MTUS2: variants seen among roughly 807,000 people sequenced by gnomAD.
MTUS2 encodes the protein microtubule associated scaffold protein 2.
A neutral mutation model predicts 114.1 loss-of-function variants in MTUS2; 40 were observed. That is an observed-to-expected ratio of 0.35 (90% CI 0.27 to 0.46). The LOEUF (loss-of-function observed/expected upper bound fraction) is 0.46. Among genes scored for constraint, MTUS2 ranks in the 20% least tolerant of loss-of-function variants. The pLI is 1.00. For missense variants in MTUS2, 1,679 were observed against 1,705.4 expected (o/e 0.98, Z 0.27); for synonymous variants, 688 against 672.0 (o/e 1.02, Z -0.37).
chr13:28,949,831 A>G (rs1269601263), intron 2 of MTUS2, among the ~76,000 whole-genome samples: 1 of 152,180 alleles, frequency 6.6e-6, no homozygotes, highest in Non-Finnish European at 1.5e-5. Context: ...GTAAAGATAT[A>G]CCACATTTTG....
chr13:29,104,456 G>A (rs1025177573), intron 5 of MTUS2, among the ~76,000 whole-genome samples: 1 of 152,142 alleles, frequency 6.6e-6, no homozygotes, highest in African/African-American at 2.4e-5. Context: ...GACTTGAGAG[G>A]CCCCTCAGGC....
chr13:29,114,616 AG>A, intron 5 of MTUS2, among the ~76,000 whole-genome samples: 1 of 152,322 alleles, frequency 6.6e-6, no homozygotes, highest in South Asian at 2.1e-4. Context: ...AAGGGAAGTG[AG>A]GGGCTTGAGG....
At chr13:28,900,225 A>T (rs1272881777) in intron 2 of MTUS2, among the ~76,000 whole-genome samples, 1 of 152,214 alleles carries the variant, frequency 6.6e-6, no homozygotes, top group South Asian at 2.1e-4. Flanking sequence ...TTCTTTTAAC[A>T]ACGATTACAA....
intron 8 of MTUS2, among the ~76,000 whole-genome samples, chr13:29,392,684 G>A (rs1873603093): frequency 6.6e-6 from 1 of 152,190 alleles, no homozygotes; most frequent in African/African-American, 2.4e-5. Context: ...ACATAGGGAG[G>A]TCCCTAGAGT....
At chr13:28,871,774 T>A (rs1378220201) in intron 2 of MTUS2, among the ~76,000 whole-genome samples, 1 of 152,132 alleles carries the variant, frequency 6.6e-6, no homozygotes, top group African/African-American at 2.4e-5. Flanking sequence ...TTAGAGTGGT[T>A]AAGGAAAGCC....
At chr13:28,981,376 G>A (rs1018172401) in intron 2 of MTUS2, among the ~76,000 whole-genome samples, 4 of 152,174 alleles carry the variant, frequency 2.6e-5, no homozygotes, top group African/African-American at 9.7e-5. Flanking sequence ...CAGCAAACGT[G>A]TAGGTAGTTT....
chr13:28,871,358 G>A (rs1342959713), intron 2 of MTUS2, among the ~76,000 whole-genome samples: 1 of 152,106 alleles, frequency 6.6e-6, no homozygotes. Flanking sequence ...AGCTTTTCAT[G>A]TCAGGTGTGG....
At chr13:29,390,419 C>T (rs1399925005) in intron 8 of MTUS2, among the ~76,000 whole-genome samples, 4 of 151,608 alleles carry the variant, frequency 2.6e-5, no homozygotes, top group African/African-American at 7.3e-5. Flanking sequence ...TTTGGGAGGC[C>T]GAGGCAGGTG....
chr13:28,828,009 G>A (rs913449042), intron 1 of MTUS2, among the ~76,000 whole-genome samples: 1 of 152,168 alleles, frequency 6.6e-6, no homozygotes, highest in African/African-American at 2.4e-5. Flanking sequence ...TTTATTAGGC[G>A]GGAATTTCCT....
intron 1 of MTUS2, among the ~76,000 whole-genome samples, chr13:28,836,416 A>G (rs1197584424): frequency 6.6e-6 from 1 of 152,208 alleles, no homozygotes; most frequent in Non-Finnish European, 1.5e-5. Flanking sequence ...TTCAAATTCT[A>G]GCTTTGGCTG....
intron 5 of MTUS2, among the ~76,000 whole-genome samples, chr13:29,277,676 T>G (rs1386575906): frequency 2.6e-5 from 4 of 152,166 alleles, no homozygotes; most frequent in Non-Finnish European, 5.9e-5. Context: ...AAAGTACATT[T>G]CCCAGCCTCC....
At chr13:29,033,724 G>A (rs1180348770) in intron 3 of MTUS2, among the ~76,000 whole-genome samples, 161 bp from the exon 4 acceptor site, 1 of 152,014 alleles carries the variant, frequency 6.6e-6, no homozygotes, top group Non-Finnish European at 1.5e-5. Flanking sequence ...TTATCAATCA[G>A]GAGACGAAGA....
At chr13:28,838,152 G>A (rs1004920704) in intron 1 of MTUS2, among the ~76,000 whole-genome samples, 2 of 152,200 alleles carry the variant, frequency 1.3e-5, no homozygotes, top group African/African-American at 2.4e-5. Flanking sequence ...GCAGCTGGCT[G>A]CTCTTTCATG....
At chr13:29,243,978 A>G (rs990313705) in intron 5 of MTUS2, among the ~76,000 whole-genome samples, 1 of 152,212 alleles carries the variant, frequency 6.6e-6, no homozygotes, top group African/African-American at 2.4e-5. Flanking sequence ...GAGAACAAGT[A>G]TGTGAGTCTG....
At chr13:29,199,191 T>C (rs1431498426) in intron 5 of MTUS2, among the ~76,000 whole-genome samples, 1 of 152,210 alleles carries the variant, frequency 6.6e-6, no homozygotes, top group Non-Finnish European at 1.5e-5. Context: ...GACTTGAAAC[T>C]ATACTACAAG....
chr13:29,192,052 C>T (rs1046976277), intron 5 of MTUS2, among the ~76,000 whole-genome samples: 1 of 152,160 alleles, frequency 6.6e-6, no homozygotes, highest in Non-Finnish European at 1.5e-5. Flanking sequence ...TCAAAATTCA[C>T]TTTGTGCTGA....
chr13:29,314,414 T>C (rs1248530869), intron 6 of MTUS2, among the ~76,000 whole-genome samples: 1 of 152,182 alleles, frequency 6.6e-6, no homozygotes, highest in Non-Finnish European at 1.5e-5. Flanking sequence ...ATGGTTCAGT[T>C]GTAAATAATA....
intron 5 of MTUS2, among the ~76,000 whole-genome samples, chr13:29,253,280 G>A (rs1390778719): frequency 6.6e-6 from 1 of 151,838 alleles, no homozygotes; most frequent in Non-Finnish European, 1.5e-5. Context: ...ACAAAAATTA[G>A]CCAGGTGTGG....
chr13:29,095,050 T>C (rs1270115722), intron 4 of MTUS2, among the ~76,000 whole-genome samples: 1 of 152,106 alleles, frequency 6.6e-6, no homozygotes, highest in Non-Finnish European at 1.5e-5. Context: ...CAATCCTTTT[T>C]AATTTATTAA....
Sources: allele counts gnomAD v4.1 joint callset (sites outside exome capture counted in the v4.1 genomes callset), GRCh38; gene constraint gnomAD v4.1.1; transcripts MANE v1.5; gene names NCBI Gene and HGNC (gene_info 2026-07-23, HGNC 2026-07-21).